MC2R: variants seen among roughly 807,000 people sequenced by gnomAD.
The protein encoded by MC2R is adrenocorticotropic hormone receptor.
MC2R carries 9 observed loss-of-function variants against 9.8 expected under a neutral mutation model. The observed-to-expected ratio is 0.92, with a 90% confidence interval of 0.55 to 1.60. MC2R has a LOEUF of 1.60. MC2R is among the 40% of genes most tolerant of loss of function. The pLI is 0.00. For synonymous variants in MC2R, 185 were observed against 154.7 expected, an observed-to-expected ratio of 1.20 and a Z score of -1.45; for missense variants, 370 against 389.0, an observed-to-expected ratio of 0.95 and a Z score of 0.41.
rs2045256777 is a variant in MC2R, at chr18:13,884,201, C to T, written c.*424G>A. On this transcript the variant is annotated 3_prime_UTR_variant, in exon 2 of 2. Transcript: ENST00000327606. ...TGGAAATTGGCTGCAATGGCCTCCA[C>T]CTGGAAAGGCCACCTCAGAACTGGC... 7.9e-6 allele frequency: 2 copies of T among 252,506 alleles called. No individual in the cohort carries two copies. The highest frequency in any genetic ancestry group is 1.6e-5 in the Non-Finnish European group (2 of 128,780). The allele number at this position is 252,506 out of a possible 1,614,324, so 15.6% of individuals were successfully genotyped here.
intron 1 of MC2R, among the ~76,000 whole-genome samples, chr18:13,903,881 A>C (rs999533328): frequency 2.0e-5 from 3 of 152,204 alleles, no homozygotes; most frequent in Non-Finnish European, 4.4e-5. Context: ...CAGGAGGATG[A>C]AAATGCAGTT....
intron 1 of MC2R, among the ~76,000 whole-genome samples, chr18:13,898,553 C>T (rs1468366228): frequency 6.6e-6 from 1 of 152,224 alleles, no homozygotes; most frequent in African/African-American, 2.4e-5. Context: ...GGAGTGGTTA[C>T]AGCAGGCCTG....
chr18:13,891,112 T>C (rs7235341), intron 1 of MC2R, among the ~76,000 whole-genome samples: 10,254 of 152,270 alleles, frequency 0.067, 1,094 homozygotes, highest in African/African-American at 0.23. Context: ...TCTTTTCTAA[T>C]GGCAGGAAAG....
chr18:13,892,845 CA>C (rs2045324851), intron 1 of MC2R, among the ~76,000 whole-genome samples: 4 of 145,702 alleles, frequency 2.7e-5, no homozygotes, highest in African/African-American at 1.0e-4. Flanking sequence ...CACACACACA[CA>C]CCACACACAC....
chr18:13,883,543 G>C lies in MC2R; in HGVS notation c.*1082C>G, dbSNP rs547025521. On this transcript the variant is annotated 3_prime_UTR_variant, in exon 2 of 2. Coordinates refer to ENST00000327606, the MANE Select transcript of MC2R (RefSeq NM_000529.2). ...TTGCTTGATGTCTTGCTTTGGTTTTGGTTTTCCCCATAGTCCAAAAGCATG... is the reference window on the plus strand; with the variant it reads ...TTGCTTGATGTCTTGCTTTGGTTTTCGTTTTCCCCATAGTCCAAAAGCATG... 1 of 139,234 alleles carries C rather than the reference G, an allele frequency of 7.2e-6. No individual in the cohort carries two copies. The highest frequency in any genetic ancestry group is 2.2e-4 in the East Asian group (1 of 4,522). 8.6% of individuals were successfully genotyped at this position (139,234 alleles called of 1,614,324 possible). A position where few individuals can be genotyped will look rare whatever the true frequency, so the allele number is the denominator to read the frequency against.
intron 1 of MC2R, among the ~76,000 whole-genome samples, chr18:13,889,895 G>T (rs2045305356): frequency 6.6e-6 from 1 of 152,122 alleles, no homozygotes; most frequent in African/African-American, 2.4e-5. Flanking sequence ...CTGAGGAGTT[G>T]AGGCCCAGAG....
intron 1 of MC2R, among the ~76,000 whole-genome samples, chr18:13,906,487 C>T (rs923885718): frequency 6.6e-6 from 1 of 152,000 alleles, no homozygotes; most frequent in Admixed American, 6.6e-5. Context: ...CAGCAAGCCA[C>T]CATGGTACAT....
At chr18:13,893,679 G>A (rs952951657) in intron 1 of MC2R, among the ~76,000 whole-genome samples, 3 of 152,214 alleles carry the variant, frequency 2.0e-5, no homozygotes, top group African/African-American at 7.2e-5. Context: ...GTTGCTTGCT[G>A]GCTAGAGGGA....
At chr18:13,889,104 G>C (rs1431611981) in intron 1 of MC2R, among the ~76,000 whole-genome samples, 4 of 152,150 alleles carry the variant, frequency 2.6e-5, no homozygotes, top group African/African-American at 9.7e-5. Flanking sequence ...CCTGTCTCAA[G>C]CTCCTGGGCT....
rs148668050 is a variant in MC2R at position 13,889,724 on chromosome 18, G to T, written c.-128-4078C>A. On this transcript the variant is annotated intron_variant, in intron 1 of 1. Transcript: ENST00000327606. ...TATATAGTTTTTATATTTTTTAAAG[G>T]CTCCAAGGGTAAGGAGAAGGCTCTA... Among the ~76,000 whole-genome samples the T allele has an allele frequency of 6.2e-3, 941 of 152,204 alleles. 10 individuals carry two copies. The highest frequency in any genetic ancestry group is 0.022 in the African/African-American group (899 of 41,526).
chr18:13,904,984 C>T (rs2045404411), intron 1 of MC2R, among the ~76,000 whole-genome samples: 1 of 152,146 alleles, frequency 6.6e-6, no homozygotes, highest in African/African-American at 2.4e-5. Flanking sequence ...TGGGCAATGA[C>T]TTCATGACAA....
At chr18:13,892,455 A>G (rs2045320928) in intron 1 of MC2R, among the ~76,000 whole-genome samples, 1 of 152,134 alleles carries the variant, frequency 6.6e-6, no homozygotes, top group African/African-American at 2.4e-5. Context: ...ATCCCTGTTC[A>G]GCACAGGCCT....
intron 1 of MC2R, among the ~76,000 whole-genome samples, chr18:13,885,998 GT>G (rs933063664): frequency 1.5e-4 from 22 of 148,580 alleles, no homozygotes; most frequent in Admixed American, 1.4e-3. Context: ...AATACTACAT[GT>G]TCTCACTTAT....
At chr18:13,900,810 A>G (rs2045375066) in intron 1 of MC2R, among the ~76,000 whole-genome samples, 1 of 152,160 alleles carries the variant, frequency 6.6e-6, no homozygotes, top group African/African-American at 2.4e-5. Context: ...GGAGACTTCA[A>G]CACACCACTT....
At chr18:13,885,738 A>G (rs994990989) in intron 1 of MC2R, 92 bp from the exon 2 acceptor site, 2 of 566,876 alleles carry the variant, frequency 3.5e-6, no homozygotes, top group East Asian at 3.1e-5. Context: ...TTCCCTCCAT[A>G]AAATATAAAG....
intron 1 of MC2R, among the ~76,000 whole-genome samples, chr18:13,887,544 A>G (rs2045284644): frequency 6.6e-6 from 1 of 152,160 alleles, no homozygotes; most frequent in Admixed American, 6.6e-5. Flanking sequence ...GGTGCCAGGT[A>G]TGTGGTGAGA....
rs2045257038 is a variant in MC2R, at chr18:13,884,225, G to C, written c.*400C>G. 1 of 297,550 alleles carries C rather than the reference G, an allele frequency of 3.4e-6. No homozygotes were observed. Among genetic ancestry groups the C allele is most frequent in the Non-Finnish European group, 6.5e-6 (1 of 153,862 alleles). 18.4% of individuals were successfully genotyped at this position (297,550 alleles called of 1,614,324 possible). A position where few individuals can be genotyped will look rare whatever the true frequency, so the allele number is the denominator to read the frequency against. On this transcript the variant is annotated 3_prime_UTR_variant, in exon 2 of 2. Coordinates refer to ENST00000327606, the MANE Select transcript of MC2R (RefSeq NM_000529.2). ...ACCTGGAAAGGCCACCTCAGAACTG[G>C]CTTGTTAGATGTCCACAGGAAAGCA...
At chr18:13,898,572 C>T (rs2045360303) in intron 1 of MC2R, among the ~76,000 whole-genome samples, 1 of 152,214 alleles carries the variant, frequency 6.6e-6, no homozygotes, top group South Asian at 2.1e-4. Flanking sequence ...TGGGGTGAGA[C>T]TGAGTGCTGT....
In MC2R at chr18:13,885,205, A is replaced by G. The variant is rs1567895786; in HGVS notation, c.314T>C (p.Ile105Thr). 1 of 1,614,138 alleles carries G rather than the reference A, an allele frequency of 6.2e-7. No homozygotes were observed. Among genetic ancestry groups the G allele is most frequent in the Non-Finnish European group, 8.5e-7 (1 of 1,180,014 alleles). ...RGSFETTADD[I>T]IDSLFVLSLL... is the part of the protein sequence containing the mutation. ...GGAGAGGACAAACAGGGAGTCGATGATGTCATCGGCTGTGGTTTCAAAACT... is the reference window on the plus strand; with the variant it reads ...GGAGAGGACAAACAGGGAGTCGATGGTGTCATCGGCTGTGGTTTCAAAACT... Residue 105 changes from isoleucine to threonine, a missense_variant, in exon 2 of 2, where the codon ATC becomes ACC. Ile to Thr is a moderately conservative substitution (Grantham distance 89, BLOSUM62 -1). Coordinates refer to ENST00000327606, the MANE Select transcript of MC2R (RefSeq NM_000529.2).
Sources: gnomAD v4.1 joint callset for allele counts (sites outside exome capture counted in the v4.1 genomes callset) on GRCh38, gnomAD v4.1.1 for gene constraint, MANE v1.5 for transcripts, NCBI Gene and HGNC (gene_info 2026-07-23, HGNC 2026-07-21) for gene names.